The following ENPP1 variants were observed in gnomAD, a reference collection of about 807,000 sequenced individuals.
ENPP1 encodes ectonucleotide pyrophosphatase/phosphodiesterase 1, also known as ectonucleotide pyrophosphatase/phosphodiesterase family member 1.
A neutral mutation model predicts 122.8 loss-of-function variants in ENPP1; 73 were observed. The ratio of observed to expected loss-of-function variants is 0.59; its 90% CI spans 0.49 to 0.72. The LOEUF is 0.72. Ranked by LOEUF, ENPP1 falls within the 30% of genes least tolerant of loss-of-function variation. ENPP1 has a pLI of 0.00. For synonymous variants in ENPP1, 367 were observed against 391.6 expected (o/e 0.94, Z 0.74); for missense variants, 978 against 1,128.1 (o/e 0.87, Z 1.91).
intron 24 of ENPP1, among the ~76,000 whole-genome samples, chr6:131,887,764 A>G (rs112950366): frequency 0.014 from 1,498 of 109,210 alleles, 65 homozygotes; most frequent in African/African-American, 0.033. Context: ...ATGGGGTTTC[A>G]CCGTGTTAGC....
At chr6:131,842,413 T>C (rs1261128936) in intron 1 of ENPP1, among the ~76,000 whole-genome samples, 2 of 152,202 alleles carry the variant, frequency 1.3e-5, no homozygotes. Flanking sequence ...CATCAGCCTA[T>C]GGCATCATTC....
intron 24 of ENPP1, among the ~76,000 whole-genome samples, chr6:131,888,919 C>T (rs1782423975): frequency 6.6e-6 from 1 of 152,168 alleles, no homozygotes; most frequent in Non-Finnish European, 1.5e-5. Context: ...GCAAGTCCAG[C>T]TGCACACAGT....
chr6:131,864,450 T>A (rs1282209832), intron 9 of ENPP1, 56 bp from the exon 10 acceptor site: 37 of 1,173,140 alleles, frequency 3.2e-5, no homozygotes, highest in Admixed American at 2.7e-4. Flanking sequence ...AAAAACTATA[T>A]TTTACACCCA....
chr6:131,888,465 T>C (rs1460978061), intron 24 of ENPP1, among the ~76,000 whole-genome samples: 6 of 152,154 alleles, frequency 3.9e-5, no homozygotes, highest in Non-Finnish European at 8.8e-5. Flanking sequence ...CTCTAGGTAC[T>C]GAGGACACAG....
rs769460781 is a variant in ENPP1, at chr6:131,890,396, G to A, written c.2663G>A (p.Arg888Gln). The A allele has an allele frequency of 5.6e-6, 9 of 1,613,282 alleles. No individual in the cohort carries two copies. Among genetic ancestry groups the A allele is most frequent in the Non-Finnish European group, 5.1e-6 (6 of 1,179,268 alleles). ...VEELLMLHRA[R>Q]ITDVEHITGL... ...GAATTGTTAATGTTACACAGAGCACGGATCACAGATGTTGAGCACATCACT... is the reference window on the plus strand; with the variant it reads ...GAATTGTTAATGTTACACAGAGCACAGATCACAGATGTTGAGCACATCACT... The change falls in exon 25 of 25, where the codon CGG becomes CAG. Residue 888 changes from arginine (R) to glutamine (Q), a missense_variant. By Grantham distance (43) the Arg-to-Gln change is conservative. Around this residue, in one of 3 missense-constraint regions of ENPP1, gnomAD observed 644 missense variants for 781.5 expected, o/e 0.82. Transcript: ENST00000647893.
At chr6:131,873,361 A>T (rs1449732667) in intron 15 of ENPP1, among the ~76,000 whole-genome samples, 1 of 152,126 alleles carries the variant, frequency 6.6e-6, no homozygotes, top group Non-Finnish European at 1.5e-5. Flanking sequence ...TCCCATGGGG[A>T]GGAAGGATCA....
chr6:131,879,896 T>C lies in ENPP1; in HGVS notation c.1962T>C (p.His654=), dbSNP rs80231701. The change falls in exon 20 of 25, where the codon CAT becomes CAC. Residue 654 remains histidine (H), a synonymous_variant. Coordinates refer to ENST00000647893, the MANE Select transcript of ENPP1 (RefSeq NM_006208.3). ...LTVAEEKIIK[H]ETLPYGRPRV... ...TGACCCAAGAGAAGATTATTAAGCA[T>C]GAAACTTTACCCTATGGAAGACCTA... The C allele has an allele frequency of 1.2e-6, 2 of 1,613,634 alleles. No individual in the cohort carries two copies. Among genetic ancestry groups the C allele is most frequent in the Non-Finnish European group, 1.7e-6 (2 of 1,179,688 alleles).
chr6:131,843,960 TTGTG>T (rs1781773250), intron 1 of ENPP1, among the ~76,000 whole-genome samples: 1 of 152,066 alleles, frequency 6.6e-6, no homozygotes, highest in Admixed American at 6.6e-5. Flanking sequence ...TTAGTTTGTT[TTGTG>T]TGTGTATGTG....
chr6:131,861,534 T>C lies in ENPP1; in HGVS notation c.916-61T>C. 2.8e-6 allele frequency: 3 copies of C among 1,083,556 alleles called. No individual in the cohort carries two copies. The South Asian group carries it at 3.7e-5, about 14-fold the overall frequency. 67.1% of individuals were successfully genotyped at this position (1,083,556 alleles called of 1,614,324 possible). Reference sequence around the variant, plus strand: ...AATGCATTGGTGTGGTATGAATACATACTTTCCTAAGAGATGAATGTTTGC... The same window carrying C: ...AATGCATTGGTGTGGTATGAATACACACTTTCCTAAGAGATGAATGTTTGC... On this transcript the variant is annotated intron_variant, in intron 8 of 24. Transcript: ENST00000647893.
chr6:131,810,230 C>T (rs902993116), intron 1 of ENPP1, among the ~76,000 whole-genome samples: 7 of 152,018 alleles, frequency 4.6e-5, no homozygotes, highest in African/African-American at 1.4e-4. Context: ...TGGTAGCATG[C>T]GTCTATGTCC....
chr6:131,889,917 A>G (rs1298093052), intron 24 of ENPP1, among the ~76,000 whole-genome samples: 1 of 152,224 alleles, frequency 6.6e-6, no homozygotes, highest in Non-Finnish European at 1.5e-5. Flanking sequence ...ACAGTGTAAA[A>G]GCATTCCTTT....
intron 1 of ENPP1, among the ~76,000 whole-genome samples, chr6:131,837,671 C>T (rs958018124): frequency 6.6e-6 from 1 of 152,018 alleles, no homozygotes; most frequent in Non-Finnish European, 1.5e-5. Flanking sequence ...GATAGGTATT[C>T]CTATAATGAT....
In ENPP1 at chr6:131,826,000, G is replaced by A. The variant is rs183914787; in HGVS notation, c.240+17725G>A. On this transcript the variant is annotated intron_variant, in intron 1 of 24. Transcript: ENST00000647893. ...ATTAGGTCAACATTTGTCTAAGCAC[G>A]TCTGTAAATATTCTGTTACAGGAAG... 128 of 682,408 alleles carry A rather than the reference G, an allele frequency of 1.9e-4. 1 individual carries two copies. In the East Asian group the frequency reaches 2.9e-3, roughly 15 times the overall value. 42.3% of individuals were successfully genotyped at this position (682,408 alleles called of 1,614,324 possible).
intron 1 of ENPP1, 63 bp downstream of exon 1, chr6:131,808,338 GCTC>G: frequency 7.0e-7 from 1 of 1,423,790 alleles, no homozygotes; most frequent in Non-Finnish European, 9.3e-7. Context: ...GCGGCGCCGA[GCTC>G]CTGCGCTCTC....
chr6:131,881,780 G>A (rs1265726646), intron 20 of ENPP1, among the ~76,000 whole-genome samples: 1 of 151,734 alleles, frequency 6.6e-6, no homozygotes, highest in Non-Finnish European at 1.5e-5. Flanking sequence ...CACTTTGAGG[G>A]GGCTGCAGCG....
chr6:131,846,940 G>A (rs150497597), intron 1 of ENPP1, among the ~76,000 whole-genome samples: 2 of 152,326 alleles, frequency 1.3e-5, no homozygotes, highest in African/African-American at 4.8e-5. Flanking sequence ...AGTGGAGAAT[G>A]GGAAAGTGGC....
At chr6:131,847,884 T>C (rs1445502251) in intron 2 of ENPP1, 36 bp downstream of exon 2, 7 of 1,479,446 alleles carry the variant, frequency 4.7e-6, no homozygotes, top group Admixed American at 1.7e-5. Flanking sequence ...TGTGTGTGTG[T>C]GTGTGTGTGT....
chr6:131,861,131 C>A (rs775130447), intron 8 of ENPP1, among the ~76,000 whole-genome samples: 7 of 152,090 alleles, frequency 4.6e-5, no homozygotes, highest in Non-Finnish European at 1.0e-4. Context: ...ACAAATCATT[C>A]TGTTTCTGCC....
chr6:131,817,799 AT>A (rs1397853066), intron 1 of ENPP1, among the ~76,000 whole-genome samples: 1 of 147,486 alleles, frequency 6.8e-6, no homozygotes, highest in Non-Finnish European at 1.5e-5. Flanking sequence ...GTGTATGTAC[AT>A]ATCTCCATAT....
Sources: gnomAD v4.1 joint callset for allele counts (sites outside exome capture counted in the v4.1 genomes callset) on GRCh38, gnomAD v4.1.1 for gene constraint, gnomAD v4.1.1 regional missense constraint, MANE v1.5 for transcripts, NCBI Gene and HGNC (gene_info 2026-07-23, HGNC 2026-07-21) for gene names.